The following PLIN4 variants were observed in gnomAD, a reference collection of about 807,000 sequenced individuals.
The protein encoded by PLIN4 is perilipin-4.
In PLIN4, 57 loss-of-function variants were observed where a neutral mutation model predicts 52.4. The observed-to-expected ratio is 1.09, with a 90% CI of 0.88 to 1.36. PLIN4 has a LOEUF of 1.36. Among genes scored for constraint, PLIN4 ranks in the 40% most tolerant of loss-of-function variants. The pLI is 0.00. For missense variants in PLIN4, 1,757 were observed against 1,770.3 expected (o/e 0.99, Z 0.13); for synonymous variants, 826 against 785.4 (o/e 1.05, Z -0.86).
rs377240151 is a variant in PLIN4, at chr19:4,502,583, G to A, written c.*1876C>T. ...GTCCGCGAGGCTAGGCTGGGAGGGT[G>A]GAGACCAGGCCTTCCCTGAGAGCCG... On this transcript the variant is annotated 3_prime_UTR_variant, in exon 8 of 8. Transcript: ENST00000301286. 2.8e-4 allele frequency: 61 copies of A among 219,014 alleles called. No homozygotes were observed. The highest frequency in any genetic ancestry group is 2.3e-3 in the East Asian group (13 of 5,574). The allele number at this position is 219,014 out of a possible 1,614,324, so 13.6% of individuals were successfully genotyped here. A position where few individuals can be genotyped will look rare whatever the true frequency, so the allele number is the denominator to read the frequency against.
chr19:4,504,277 T>G lies in PLIN4; in HGVS notation c.*182A>C. ...ATGCAGGCAGGCCCGGAGCAGGGCG[T>G]GGGGTGGCTCAGTTAAGAAGGTCAC... On this transcript the variant is annotated 3_prime_UTR_variant, in exon 8 of 8. Coordinates refer to ENST00000301286, the MANE Select transcript of PLIN4 (RefSeq NM_001367868.2). 2 of 585,188 alleles carry G rather than the reference T, an allele frequency of 3.4e-6. No individual in the cohort carries two copies. Among genetic ancestry groups the G allele is most frequent in the Non-Finnish European group, 5.7e-6 (2 of 351,166 alleles). 36.2% of individuals were successfully genotyped at this position (585,188 alleles called of 1,614,324 possible).
intron 6 of PLIN4, among the ~76,000 whole-genome samples, chr19:4,505,642 C>T (rs567568382): frequency 1.3e-5 from 2 of 152,162 alleles, no homozygotes; most frequent in African/African-American, 2.4e-5. Context: ...GTGGCACCCA[C>T]GCCCCACCCT....
rs1423289132 is a variant in PLIN4 at position 4,510,794 on chromosome 19, A to G, written c.3166T>C (p.Leu1056=). Reference sequence around the variant, plus strand: ...CAGGAGGTGGCGGGGGTACTAGGTAACCAGTTCTGGAAGGTGCTGAGGCCA... The same window carrying G: ...CAGGAGGTGGCGGGGGTACTAGGTAGCCAGTTCTGGAAGGTGCTGAGGCCA... The part of the protein sequence containing the change: ...HTGLSTFQNW[L]PSTPATSWGG... Residue 1056 remains leucine, a synonymous_variant, in exon 5 of 8, where the codon TTA becomes CTA. Transcript: ENST00000301286. 8 of 1,596,826 alleles carry G rather than the reference A, an allele frequency of 5.0e-6. No homozygotes were observed. Among genetic ancestry groups the G allele is most frequent in the Non-Finnish European group, 6.8e-6 (8 of 1,168,750 alleles).
At chr19:4,506,527 C>A (rs1976098899) in intron 6 of PLIN4, among the ~76,000 whole-genome samples, 1 of 152,190 alleles carries the variant, frequency 6.6e-6, no homozygotes, top group Non-Finnish European at 1.5e-5. Flanking sequence ...ACCATGGCGC[C>A]CCCCACCCCC....
At position 4,513,459 on chromosome 19, in the gene PLIN4, G is replaced by C. The variant is rs1274694777; in HGVS notation, c.501C>G (p.Gly167=). Residue 167 remains glycine, a synonymous_variant, in exon 5 of 8, where the codon GGC becomes GGG. Coordinates refer to ENST00000301286, the MANE Select transcript of PLIN4 (RefSeq NM_001367868.2). ...GLDTSKAVLT[G]TKDTVSTGLT... is the part of the protein sequence containing the mutation. ...GCCCAGTGGACACCGTGTCCTTGGTGCCGGTGAGGACAGCCTTCGAGGTGT... is the reference window on the plus strand; with the variant it reads ...GCCCAGTGGACACCGTGTCCTTGGTCCCGGTGAGGACAGCCTTCGAGGTGT... 6.2e-7 allele frequency: 1 copy of C among 1,613,396 alleles called. No homozygotes were observed. The highest frequency in any genetic ancestry group is 1.7e-5 in the Admixed American group (1 of 60,022).
chr19:4,508,871 G>A lies in PLIN4; in HGVS notation c.3599C>T (p.Pro1200Leu), dbSNP rs1390037578. 1.2e-6 allele frequency: 2 copies of A among 1,613,006 alleles called. No individual in the cohort carries two copies. The highest frequency in any genetic ancestry group is 1.1e-5 in the South Asian group (1 of 91,000). ...SYFVRLGDLG[P>L]SFRQRAFEHA... The stretch of plus-strand genomic sequence containing the variant: ...TTCAAATGCCCGCTGGCGGAAGCTG[G>A]GACCCAGGTCACCTAAACGAACGAA... Residue 1200 changes from proline (P) to leucine (L), a missense_variant, in exon 6 of 8, where the codon CCC becomes CTC. By Grantham distance (98) the Pro-to-Leu change is moderately conservative. Around this residue, in one of 7 missense-constraint regions of PLIN4, gnomAD observed 712 missense variants for 637.1 expected, o/e 1.12. Coordinates refer to ENST00000301286, the MANE Select transcript of PLIN4 (RefSeq NM_001367868.2).
intron 6 of PLIN4, among the ~76,000 whole-genome samples, chr19:4,507,724 G>A (rs1176376417): frequency 6.6e-6 from 1 of 152,108 alleles, no homozygotes; most frequent in African/African-American, 2.4e-5. Flanking sequence ...GAGCAGTCCT[G>A]TGAGATTTCT....
chr19:4,517,480 CCTGCCCGGGG>C (rs1976616312), intron 3 of PLIN4, 64 bp downstream of exon 3: 1 of 1,517,824 alleles, frequency 6.6e-7, no homozygotes, highest in East Asian at 2.4e-5. Flanking sequence ...GCTGGAAGTC[CCTGCCCGGGG>C]AGCTCCTTCT....
Position 4,508,750 on chromosome 19 carries a change from G to A in PLIN4, c.3702+18C>T. ...GAAGTGCCCTGGGGACGGGGCAGCAGCAGGGGGAAGCTCTTACCAGCCTGA... is the reference window on the plus strand; with the variant it reads ...GAAGTGCCCTGGGGACGGGGCAGCAACAGGGGGAAGCTCTTACCAGCCTGA... On this transcript the variant is annotated intron_variant, in intron 6 of 7. Transcript: ENST00000301286. 1 of 1,561,030 alleles carries A rather than the reference G, an allele frequency of 6.4e-7. No homozygotes were observed. Among genetic ancestry groups the A allele is most frequent in the Non-Finnish European group, 8.7e-7 (1 of 1,153,188 alleles).
chr19:4,511,109 C>G lies in PLIN4; in HGVS notation c.2851G>C (p.Asp951His). Residue 951 changes from aspartate (D) to histidine (H), a missense_variant, in exon 5 of 8, where the codon GAC (aspartate) becomes CAC (histidine). Asp to His is a moderately conservative substitution (Grantham distance 81). Coordinates refer to ENST00000301286, the MANE Select transcript of PLIN4 (RefSeq NM_001367868.2). ...CCACTCAGCACCGTCTTGGCTGTGT[C>G]CACACCTGTCTGGACGGTCCCTTTG... ...VAKGTVQTGV[D>H]TAKTVLSGAK... 1.2e-6 allele frequency: 2 copies of G among 1,610,912 alleles called. No individual in the cohort carries two copies.
chr19:4,507,837 C>T (rs1976141134), intron 6 of PLIN4, among the ~76,000 whole-genome samples: 1 of 152,058 alleles, frequency 6.6e-6, no homozygotes, highest in Non-Finnish European at 1.5e-5. Context: ...CTGCAGGGAC[C>T]AGGATGATCC....
rs1976592324 is a variant in PLIN4 at position 4,516,688 on chromosome 19, C to T, written c.197-10G>A. On this transcript the variant is annotated splice_polypyrimidine_tract_variant and intron_variant, in intron 3 of 7. Coordinates refer to ENST00000301286, the MANE Select transcript of PLIN4 (RefSeq NM_001367868.2). ...TCTGGGTGGGCAGCCACTGTGGGGA[C>T]AGGGGCCGGTCAGGGAGAGTGAGGG... is the stretch of plus-strand genomic sequence containing the variant. 3 of 1,587,768 alleles carry T rather than the reference C, an allele frequency of 1.9e-6. No homozygotes were observed. Among genetic ancestry groups the T allele is most frequent in the Non-Finnish European group, 2.6e-6 (3 of 1,167,442 alleles).
chr19:4,517,703 A>C lies in PLIN4; in HGVS notation c.52-5T>G, dbSNP rs999810905. 15 of 1,579,602 alleles carry C rather than the reference A, an allele frequency of 9.5e-6. No homozygotes were observed. Among genetic ancestry groups the C allele is most frequent in the East Asian group, 2.3e-5 (1 of 43,204 alleles). On this transcript the variant is annotated splice_region_variant and splice_polypyrimidine_tract_variant and intron_variant, in intron 2 of 7. Coordinates refer to ENST00000301286, the MANE Select transcript of PLIN4 (RefSeq NM_001367868.2). ...CCCAAAGAAGCTGCCCAGGGTCTGC[A>C]TGGGGGCGGGGGGTGTGCAGGATGA...
At chr19:4,514,721 C>T (rs983550296) in intron 4 of PLIN4, among the ~76,000 whole-genome samples, 22 of 149,928 alleles carry the variant, frequency 1.5e-4, no homozygotes, top group African/African-American at 5.2e-4. Context: ...GAGCGAAACT[C>T]TGTCTCAAAT....
chr19:4,512,113 A>G lies in PLIN4; in HGVS notation c.1847T>C (p.Val616Ala). Residue 616 changes from valine to alanine, a missense_variant, in exon 5 of 8, where the codon GTC (valine) becomes GCC (alanine). Val to Ala is a moderately conservative substitution (Grantham distance 64). Transcript: ENST00000301286. ...TTTGGTGGTGTCCATGCCTGTCTGG[A>G]CGGTCCCTTTGGCGACATTCACTGC... ...VGAVNVAKGT[V>A]QTGMDTTKTV... The G allele has an allele frequency of 6.2e-7, 1 of 1,602,444 alleles. No individual in the cohort carries two copies. Among genetic ancestry groups the G allele is most frequent in the Non-Finnish European group, 8.5e-7 (1 of 1,177,518 alleles).
At chr19:4,505,344 C>T (rs11879706) in intron 6 of PLIN4, among the ~76,000 whole-genome samples, 67,078 of 152,062 alleles carry the variant, frequency 0.44, 15,471 homozygotes, top group Admixed American at 0.52. Context: ...TTCTGCCCTC[C>T]GGCCACTCCA....
chr19:4,508,497 C>A (rs1286943880), intron 6 of PLIN4, among the ~76,000 whole-genome samples: 1 of 152,180 alleles, frequency 6.6e-6, no homozygotes, highest in African/African-American at 2.4e-5. Flanking sequence ...GAACTCCTGA[C>A]CTCAAGTGAC....
In PLIN4 at chr19:4,510,661, C is replaced by G. The variant is rs765350915; in HGVS notation, c.3299G>C (p.Ser1100Thr). The change falls in exon 5 of 8, where the codon AGT (serine) becomes ACT (threonine). Residue 1100 changes from serine (S) to threonine (T), a missense_variant. By Grantham distance (58) the Ser-to-Thr change is moderately conservative (BLOSUM62 1). Around this residue, in one of 7 missense-constraint regions of PLIN4, gnomAD observed 712 missense variants for 637.1 expected, o/e 1.12. Transcript: ENST00000301286. ...TTCCCAGGCAGGCTCCGGGCCTACA[C>G]TGAGCACATCCGGGGGCGTGGAGAT... Reference protein sequence around the residue: ...SGISTPPDVLSVGPEPAWEAA... With the variant: ...SGISTPPDVLTVGPEPAWEAA... The G allele has an allele frequency of 1.7e-5, 26 of 1,517,132 alleles. No homozygotes were observed. Among genetic ancestry groups the G allele is most frequent in the Admixed American group, 2.2e-5 (1 of 44,854 alleles). 94.0% of individuals were successfully genotyped at this position (1,517,132 alleles called of 1,614,324 possible).
intron 5 of PLIN4, among the ~76,000 whole-genome samples, chr19:4,509,551 G>A (rs1471468483): frequency 2.0e-5 from 3 of 152,094 alleles, no homozygotes; most frequent in Non-Finnish European, 2.9e-5. Flanking sequence ...TTGAACCCAG[G>A]AAGTGTGGAG....
Sources: allele counts gnomAD v4.1 joint callset (sites outside exome capture counted in the v4.1 genomes callset), GRCh38; gene constraint gnomAD v4.1.1; regional missense constraint gnomAD v4.1.1; transcripts MANE v1.5; gene names NCBI Gene and HGNC (gene_info 2026-07-23, HGNC 2026-07-21).